Variants in MAP4K5 observed in about 807,000 individuals in gnomAD.
The protein encoded by MAP4K5 is MAPK/ERK kinase kinase kinase 5.
A neutral mutation model predicts 135.6 loss-of-function variants in MAP4K5; 82 were observed. The observed-to-expected ratio is 0.60, with a 90% CI of 0.51 to 0.73. The LOEUF (loss-of-function observed/expected upper bound fraction) is 0.73. Among genes scored for constraint, MAP4K5 ranks in the 30% least tolerant of loss-of-function variants. The pLI is 0.00. For missense variants in MAP4K5, 907 were observed against 1,010.9 expected (o/e 0.90, Z 1.39); for synonymous variants, 347 against 335.0 (o/e 1.04, Z -0.39).
chr14:50,533,473 A>AG (rs2038449091), upstream of MAP4K5: 1 of 152,184 alleles, frequency 6.6e-6, no homozygotes, highest in African/African-American at 2.4e-5. Context: ...AACAATGCAC[A>AG]GCATATATGG....
chr14:50,422,834 G>A (rs1407654499), intron 32 of MAP4K5, among the ~76,000 whole-genome samples: 1 of 152,052 alleles, frequency 6.6e-6, no homozygotes, highest in South Asian at 2.1e-4. Flanking sequence ...GAAGACAAAC[G>A]GGCCCGAAAT....
At chr14:50,558,474 G>T (rs950516365) in intron 1 of MAP4K5, among the ~76,000 whole-genome samples, 1 of 152,130 alleles carries the variant, frequency 6.6e-6, no homozygotes, top group Non-Finnish European at 1.5e-5. Context: ...AAAAGTTATT[G>T]GCCAATAGTA....
In MAP4K5 at chr14:50,456,594, G is replaced by C. The variant is rs1229020820; in HGVS notation, c.937C>G (p.Pro313Ala). Residue 313 changes from proline (P) to alanine (A), a missense_variant and splice_region_variant, in exon 14 of 33, where the codon CCC (proline) becomes GCC (alanine). By Grantham distance (27) the Pro-to-Ala change is conservative. Transcript: ENST00000682126. ...YTEADDDDFE[P>A]HAIIRHTIRS... is the part of the protein sequence containing the mutation. ...ATGGTATGACGAATGATTGCATGGG[G>C]CTGTGAATATAAGCATAATATATAT... 6.4e-7 allele frequency: 1 copy of C among 1,559,534 alleles called. No individual in the cohort carries two copies.
chr14:50,547,846 C>T (rs1163128550), intron 1 of MAP4K5, among the ~76,000 whole-genome samples: 1 of 152,158 alleles, frequency 6.6e-6, no homozygotes. Context: ...ACCAGTTTGC[C>T]TTCACTTGGG....
intron 2 of MAP4K5, among the ~76,000 whole-genome samples, chr14:50,517,693 C>A (rs1158699924): frequency 6.6e-6 from 1 of 151,832 alleles, no homozygotes. Context: ...TGCTTCAACC[C>A]GGGAGGCGGA....
chr14:50,485,829 G>GATATGATCA, intron 4 of MAP4K5, 187 bp from the exon 5 acceptor site: 1 of 553,050 alleles, frequency 1.8e-6, no homozygotes. Context: ...CATCTTCAGT[G>GATATGATCA]GTTTAGAATA....
chr14:50,426,071 C>T (rs1168749113), intron 30 of MAP4K5, 94 bp from the exon 31 acceptor site: 1 of 762,722 alleles, frequency 1.3e-6, no homozygotes, highest in Non-Finnish European at 2.1e-6. Flanking sequence ...TAAGCCTATT[C>T]AAGTGTCTAG....
chr14:50,462,112 T>C (rs1276206642), intron 13 of MAP4K5, among the ~76,000 whole-genome samples: 1 of 152,234 alleles, frequency 6.6e-6, no homozygotes, highest in East Asian at 1.9e-4. Context: ...CAAATTCAAC[T>C]ACAAAAATGC....
At chr14:50,493,848 C>T (rs1417826785) in intron 3 of MAP4K5, among the ~76,000 whole-genome samples, 2 of 151,468 alleles carry the variant, frequency 1.3e-5, no homozygotes, top group South Asian at 4.2e-4. Flanking sequence ...ATTAGCTGGG[C>T]GTGGTGGTGG....
intron 27 of MAP4K5, 78 bp downstream of exon 27, chr14:50,434,884 T>C (rs1167484046): frequency 2.5e-6 from 2 of 809,676 alleles, no homozygotes; most frequent in African/African-American, 1.7e-5. Context: ...GATAGTAGTA[T>C]TGGGATCTGC....
At chr14:50,478,905 T>C (rs1388374810) in intron 6 of MAP4K5, among the ~76,000 whole-genome samples, 2 of 152,150 alleles carry the variant, frequency 1.3e-5, no homozygotes, top group African/African-American at 4.8e-5. Flanking sequence ...ATATTCCTTG[T>C]CTTTGTTCTT....
Position 50,490,101 on chromosome 14 carries a change from C to A in MAP4K5, c.167-3907G>T, listed in dbSNP as rs2037449367. ...TGTGTGTGTGTGTGAGAGAGAGAGA[C>A]AGACAGAGAGAGACAGAGAGCGAGT... On this transcript the variant is annotated intron_variant, in intron 3 of 32. Coordinates refer to ENST00000682126, the MANE Select transcript of MAP4K5 (RefSeq NM_006575.6). Among the ~76,000 whole-genome samples, 2 of 136,816 alleles carry A rather than the reference C, an allele frequency of 1.5e-5. 1 individual carries two copies. Among genetic ancestry groups the A allele is most frequent in the South Asian group, 4.7e-4 (2 of 4,220 alleles). 89.8% of individuals were successfully genotyped at this position (136,816 alleles called of 152,430 possible). A position where few individuals can be genotyped will look rare whatever the true frequency, so the allele number is the denominator to read the frequency against.
At chr14:50,561,100 G>C (rs2038838362) in exon 1 of MAP4K5, 1 of 152,424 alleles carries the variant, frequency 6.6e-6, no homozygotes, top group African/African-American at 2.4e-5. Flanking sequence ...AAGGAGAGGC[G>C]AGACCCAGTA....
intron 31 of MAP4K5, among the ~76,000 whole-genome samples, chr14:50,424,037 A>G (rs1348524812): frequency 6.6e-6 from 1 of 151,866 alleles, no homozygotes; most frequent in Non-Finnish European, 1.5e-5. Flanking sequence ...GCCCCTCTTT[A>G]TTCTCCATTC....
chr14:50,438,738 T>G (rs2036156416), intron 23 of MAP4K5, among the ~76,000 whole-genome samples: 1 of 152,174 alleles, frequency 6.6e-6, no homozygotes, highest in Non-Finnish European at 1.5e-5. Context: ...ATTATCTGTA[T>G]GTTCTCAGAA....
Position 50,529,511 on chromosome 14 carries a change from A to G in MAP4K5, c.108+2431T>C, listed in dbSNP as rs377751014. 2.0e-5 allele frequency among the ~76,000 whole-genome samples: 3 copies of G among 152,314 alleles called. No homozygotes were observed. The East Asian group carries it at 5.8e-4, about 29-fold the overall frequency. ...GACAGAGTCTGATATTCATTCATTC[A>G]TTCATTCATCAAATTTTTAGGAAGT... On this transcript the variant is annotated intron_variant, in intron 2 of 32. Transcript: ENST00000682126.
At chr14:50,513,489 T>C (rs1044347466) in intron 2 of MAP4K5, among the ~76,000 whole-genome samples, 11 of 152,124 alleles carry the variant, frequency 7.2e-5, no homozygotes, top group African/African-American at 2.7e-4. Context: ...ACATTTTACC[T>C]ACAAGGTTTC....
intron 3 of MAP4K5, among the ~76,000 whole-genome samples, chr14:50,497,056 T>A (rs555401173): frequency 6.6e-6 from 1 of 152,330 alleles, no homozygotes; most frequent in East Asian, 1.9e-4. Context: ...ATTTTAGCGG[T>A]AGTTCATTAT....
intron 1 of MAP4K5, among the ~76,000 whole-genome samples, chr14:50,548,951 A>G (rs994340603): frequency 6.6e-6 from 1 of 152,152 alleles, no homozygotes; most frequent in Non-Finnish European, 1.5e-5. Context: ...TACCCCATAA[A>G]AGGTGGGTGG....
Sources: allele counts gnomAD v4.1 joint callset (sites outside exome capture counted in the v4.1 genomes callset), GRCh38; gene constraint gnomAD v4.1.1; transcripts MANE v1.5; gene names NCBI Gene and HGNC (gene_info 2026-07-23, HGNC 2026-07-21).